ST6GALNAC3: variants seen among roughly 807,000 people sequenced by gnomAD.
ST6GALNAC3 encodes ST6 N-acetylgalactosaminide alpha-2,6-sialyltransferase 3.
Under a neutral mutation model 32.7 loss-of-function variants are expected in ST6GALNAC3, and 25 were observed. That is an observed-to-expected ratio of 0.76 (90% CI 0.56 to 1.07). The LOEUF (loss-of-function observed/expected upper bound fraction) is 1.07. Ranked by LOEUF, ST6GALNAC3 falls within the 50% of genes least tolerant of loss-of-function variation. The probability of loss-of-function intolerance (pLI) is 0.00; values close to 1 mark genes in which losing one functional copy is unlikely to be tolerated. For missense variants in ST6GALNAC3, 355 were observed against 382.4 expected (o/e 0.93, Z 0.60); for synonymous variants, 129 against 133.1 (o/e 0.97, Z 0.21).
At chr1:76,475,265 A>G (rs1298597448) in intron 3 of ST6GALNAC3, among the ~76,000 whole-genome samples, 1 of 152,208 alleles carries the variant, frequency 6.6e-6, no homozygotes, top group Non-Finnish European at 1.5e-5. Context: ...GTGGTCAGCA[A>G]GAACTGAGTT....
chr1:76,524,882 T>C (rs1488521878), intron 3 of ST6GALNAC3, among the ~76,000 whole-genome samples: 1 of 151,880 alleles, frequency 6.6e-6, no homozygotes, highest in African/African-American at 2.4e-5. Context: ...TGAAGAAATA[T>C]ATAAAAAAAT....
At chr1:76,371,404 G>A (rs1156590503) in intron 2 of ST6GALNAC3, among the ~76,000 whole-genome samples, 2 of 152,176 alleles carry the variant, frequency 1.3e-5, no homozygotes, top group Non-Finnish European at 2.9e-5. Flanking sequence ...ATAAGGGGAA[G>A]TATTTGAAAA....
Position 76,630,147 on chromosome 1 carries a change from G to A in ST6GALNAC3, c.*1341G>A. ...TTGGTCATTGTTCTGTTATATTCCA[G>A]ATTGCTCTACTTGCTAATATTTGTA... On this transcript the variant is annotated 3_prime_UTR_variant, in exon 5 of 5. Coordinates refer to ENST00000328299, the MANE Select transcript of ST6GALNAC3 (RefSeq NM_152996.4). 1.0e-6 allele frequency: 1 copy of A among 985,116 alleles called. No individual in the cohort carries two copies. Among genetic ancestry groups the A allele is most frequent in the Non-Finnish European group, 1.2e-6 (1 of 829,832 alleles). The allele number at this position is 985,116 out of a possible 1,614,324, so 61.0% of individuals were successfully genotyped here. A position where few individuals can be genotyped will look rare whatever the true frequency, so the allele number is the denominator to read the frequency against.
chr1:76,267,110 G>A (rs1021196098), intron 1 of ST6GALNAC3, among the ~76,000 whole-genome samples: 2 of 152,138 alleles, frequency 1.3e-5, no homozygotes, highest in Admixed American at 6.5e-5. Flanking sequence ...CAGAAATGCC[G>A]TAGGGCTTGA....
At chr1:76,199,259 A>T (rs1206249093) in intron 1 of ST6GALNAC3, among the ~76,000 whole-genome samples, 1 of 152,212 alleles carries the variant, frequency 6.6e-6, no homozygotes, top group Non-Finnish European at 1.5e-5. Context: ...TAAAATTTAG[A>T]GTTGAAGACA....
At chr1:76,620,932 A>G (rs1344933513) in intron 3 of ST6GALNAC3, among the ~76,000 whole-genome samples, 1 of 152,068 alleles carries the variant, frequency 6.6e-6, no homozygotes, top group East Asian at 1.9e-4. Context: ...AGCATTTCCA[A>G]TTAAAAAGGC....
At chr1:76,228,891 G>T (rs894627895) in intron 1 of ST6GALNAC3, among the ~76,000 whole-genome samples, 2 of 152,150 alleles carry the variant, frequency 1.3e-5, no homozygotes, top group Non-Finnish European at 2.9e-5. Flanking sequence ...AGGACCCTGC[G>T]CATTGATGGT....
Position 76,457,657 on chromosome 1 carries a change from G to A in ST6GALNAC3, c.623+45240G>A, listed in dbSNP as rs568600153. Among the ~76,000 whole-genome samples, 14 of 152,140 alleles carry A rather than the reference G, an allele frequency of 9.2e-5. No homozygotes were observed. The South Asian group carries it at 1.7e-3, about 18-fold the overall frequency. On this transcript the variant is annotated intron_variant, in intron 3 of 4. Coordinates refer to ENST00000328299, the MANE Select transcript of ST6GALNAC3 (RefSeq NM_152996.4). Reference sequence around the variant, plus strand: ...GAAAGGATTCCCTATTTAATAAATGGTGCTTGGAAAACTGGCTAGCCATAT... The same window carrying A: ...GAAAGGATTCCCTATTTAATAAATGATGCTTGGAAAACTGGCTAGCCATAT...
At chr1:76,531,337 T>A (rs548325780) in intron 3 of ST6GALNAC3, among the ~76,000 whole-genome samples, 1 of 152,336 alleles carries the variant, frequency 6.6e-6, no homozygotes, top group Non-Finnish European at 1.5e-5. Context: ...TTTTCTGACA[T>A]GTTTGGAAGC....
At chr1:76,361,422 C>A (rs1322493168) in intron 2 of ST6GALNAC3, among the ~76,000 whole-genome samples, 1 of 152,106 alleles carries the variant, frequency 6.6e-6, no homozygotes, top group African/African-American at 2.4e-5. Flanking sequence ...CTCCTATTTC[C>A]CATATAATAT....
chr1:76,470,062 T>G (rs1475022129), intron 3 of ST6GALNAC3, among the ~76,000 whole-genome samples: 1 of 152,098 alleles, frequency 6.6e-6, no homozygotes, highest in African/African-American at 2.4e-5. Context: ...GGTGTCACCA[T>G]CTTGAAGAAA....
At chr1:76,365,986 T>G (rs992588079) in intron 2 of ST6GALNAC3, among the ~76,000 whole-genome samples, 1 of 152,194 alleles carries the variant, frequency 6.6e-6, no homozygotes, top group African/African-American at 2.4e-5. Context: ...AGATATGGAA[T>G]TGTCAGCATC....
In ST6GALNAC3 at chr1:76,627,489, A is replaced by G; in HGVS notation, c.661A>G (p.Thr221Ala). The G allele has an allele frequency of 1.2e-6, 2 of 1,612,690 alleles. No homozygotes were observed. Among genetic ancestry groups the G allele is most frequent in the Non-Finnish European group, 1.7e-6 (2 of 1,179,036 alleles). ...SGSYLSTGWF[T>A]FLLAMDACYG... ...CTCATATCTCAGCACAGGGTGGTTT[A>G]CCTTCCTTCTGGCCATGGACGCCTG... Residue 221 changes from threonine (T) to alanine (A), a missense_variant, in exon 4 of 5, where the codon ACC (threonine) becomes GCC (alanine). Transcript: ENST00000328299.
intron 3 of ST6GALNAC3, among the ~76,000 whole-genome samples, chr1:76,532,433 G>A (rs1262660586): frequency 6.6e-6 from 1 of 152,118 alleles, no homozygotes; most frequent in Non-Finnish European, 1.5e-5. Flanking sequence ...GTCGGAGTGA[G>A]ATATTGCCAG....
In ST6GALNAC3 at chr1:76,596,289, T is replaced by C. The variant is rs566956534; in HGVS notation, c.624-31163T>C. 1.8e-3 allele frequency among the ~76,000 whole-genome samples: 278 copies of C among 152,272 alleles called. 8 individuals carry two copies. The South Asian group carries it at 0.056, about 31-fold the overall frequency. On this transcript the variant is annotated intron_variant, in intron 3 of 4. Transcript: ENST00000328299. ...TTTTACTTATCATGTAGAATTATAA[T>C]TATTTTTTCAGTGCCTGTCTCTCCA...
chr1:76,154,028 T>A (rs1651225171), intron 1 of ST6GALNAC3, among the ~76,000 whole-genome samples: 1 of 152,140 alleles, frequency 6.6e-6, no homozygotes, highest in Non-Finnish European at 1.5e-5. Context: ...TTTTCCGTGA[T>A]GAGAATGAGC....
rs555448845 is a variant in ST6GALNAC3 at position 76,502,794 on chromosome 1, CTT to C, written c.623+90378_623+90379del. Among the ~76,000 whole-genome samples, 55 of 152,272 alleles carry C rather than the reference CTT, an allele frequency of 3.6e-4. 2 individuals are homozygous for C. The South Asian group carries it at 5.0e-3, about 14-fold the overall frequency. Reference sequence around the variant, plus strand: ...AAACCGGGTAGTAGAGATTAGATAACTTGCCCAAGACCACAGTAGCTCCAAAC... The same window carrying C: ...AAACCGGGTAGTAGAGATTAGATAACGCCCAAGACCACAGTAGCTCCAAAC... On this transcript the variant is annotated intron_variant, in intron 3 of 4. Transcript: ENST00000328299.
At chr1:76,129,265 C>T (rs548186106) in intron 1 of ST6GALNAC3, among the ~76,000 whole-genome samples, 1 of 152,212 alleles carries the variant, frequency 6.6e-6, no homozygotes, top group African/African-American at 2.4e-5. Flanking sequence ...AAGGGATGGG[C>T]GTCCCTGTCA....
chr1:76,191,607 A>G (rs1292132651), intron 1 of ST6GALNAC3, among the ~76,000 whole-genome samples: 4 of 152,214 alleles, frequency 2.6e-5, no homozygotes, highest in Admixed American at 6.5e-5. Flanking sequence ...ATTATACAAC[A>G]TATATATGTA....
Sources: allele counts gnomAD v4.1 joint callset (sites outside exome capture counted in the v4.1 genomes callset), GRCh38; gene constraint gnomAD v4.1.1; transcripts MANE v1.5; gene names NCBI Gene and HGNC (gene_info 2026-07-23, HGNC 2026-07-21).